Variants in ZSCAN31 observed in about 807,000 individuals in gnomAD.
ZSCAN31 encodes zinc finger and SCAN domain containing 31.
A neutral mutation model predicts 22.5 loss-of-function variants in ZSCAN31; 14 were observed. The ratio of observed to expected loss-of-function variants is 0.62; its 90% confidence interval spans 0.41 to 0.97. The LOEUF is 0.97. Ranked by LOEUF, ZSCAN31 falls within the 50% of genes least tolerant of loss-of-function variation. The probability of loss-of-function intolerance (pLI) is 0.00; values close to 1 mark genes in which losing one functional copy is unlikely to be tolerated. For missense variants in ZSCAN31, 424 were observed against 483.4 expected (o/e 0.88, Z 1.15); for synonymous variants, 168 against 169.8 (o/e 0.99, Z 0.08).
Position 28,329,414 on chromosome 6 carries a change from G to C in ZSCAN31, c.270C>G (p.Ile90Met), listed in dbSNP as rs753988889. 1 of 1,614,188 alleles carries C rather than the reference G, an allele frequency of 6.2e-7. No homozygotes were observed. Among genetic ancestry groups the C allele is most frequent in the Admixed American group, 1.7e-5 (1 of 60,022 alleles). Residue 90 changes from isoleucine (I) to methionine (M), a missense_variant, in exon 2 of 4, where the codon ATC (isoleucine) becomes ATG (methionine). Transcript: ENST00000344279. ...ELLVLEQFLT[I>M]LPEELQAWVR... The stretch of plus-strand genomic sequence containing the variant: ...CCCAGGCCTGGAGCTCCTCAGGCAG[G>C]ATAGTCAGGAATTGCTCCAGCACCA...
chr6:28,344,537 T>C (rs1664121578), intron 2 of ZSCAN31, among the ~76,000 whole-genome samples: 1 of 152,160 alleles, frequency 6.6e-6, no homozygotes, highest in South Asian at 2.1e-4. Flanking sequence ...TGTGTGATAG[T>C]TGTGATTGGT....
Position 28,329,569 on chromosome 6 carries a change from G to T in ZSCAN31, c.115C>A (p.Arg39=). The T allele has an allele frequency of 6.2e-7, 1 of 1,614,174 alleles. No homozygotes were observed. The highest frequency in any genetic ancestry group is 1.3e-5 in the African/African-American group (1 of 75,036). ...GNNFSGQEAS[R]QLFRQFCYQE... Reference sequence around the variant, plus strand: ...TAACAAAACTGCCTAAAAAGTTGTCGGGAGGCTTCTTGGCCAGAAAAGTTG... The same window carrying T: ...TAACAAAACTGCCTAAAAAGTTGTCTGGAGGCTTCTTGGCCAGAAAAGTTG... Residue 39 remains arginine, a synonymous_variant, in exon 2 of 4, where the codon CGA becomes AGA. Transcript: ENST00000344279.
At chr6:28,327,230 G>A (rs533433546) in intron 3 of ZSCAN31, among the ~76,000 whole-genome samples, 153 bp downstream of exon 3, 2 of 152,330 alleles carry the variant, frequency 1.3e-5, no homozygotes, top group African/African-American at 4.8e-5. Flanking sequence ...TGAAGGCACA[G>A]GGAGGTTACC....
intron 3 of ZSCAN31, 149 bp downstream of exon 3, chr6:28,327,234 G>C (rs1763351716): frequency 1.1e-6 from 1 of 873,090 alleles, no homozygotes; most frequent in South Asian, 1.7e-5. Context: ...GGCACAGGGA[G>C]GTTACCTGAC....
At chr6:28,338,318 G>GT (rs1310007240), upstream of ZSCAN31, among the ~76,000 whole-genome samples, 2 of 152,116 alleles carry the variant, frequency 1.3e-5, no homozygotes, top group Admixed American at 6.5e-5. Flanking sequence ...GGAAGGTGGG[G>GT]TTTTCAGTGA....
chr6:28,335,636 G>A (rs1380470032), intron 1 of ZSCAN31, among the ~76,000 whole-genome samples: 1 of 152,108 alleles, frequency 6.6e-6, no homozygotes, highest in Non-Finnish European at 1.5e-5. Context: ...CATCATTTCA[G>A]CTCCTGATTG....
intron 3 of ZSCAN31, among the ~76,000 whole-genome samples, chr6:28,327,074 G>A (rs1459873374): frequency 1.3e-5 from 2 of 152,176 alleles, no homozygotes; most frequent in African/African-American, 4.8e-5. Flanking sequence ...GAGGCTCCCA[G>A]TGAGGATGTA....
At chr6:28,352,733 A>T (rs1400211563) in intron 2 of ZSCAN31, among the ~76,000 whole-genome samples, 1 of 152,224 alleles carries the variant, frequency 6.6e-6, no homozygotes, top group African/African-American at 2.4e-5. Flanking sequence ...TAGCTCATGT[A>T]GGAGTACCCC....
At position 28,349,125 on chromosome 6, in the gene ZSCAN31, GTATATATATGTCTCATATATAGGTGTA is replaced by G. The variant is rs1764789850; in HGVS notation, c.-371+4710_-371+4736del. 2.9e-4 allele frequency among the ~76,000 whole-genome samples: 40 copies of G among 140,316 alleles called. No homozygotes were observed. The highest frequency in any genetic ancestry group is 1.0e-3 in the African/African-American group (38 of 36,804). 92.1% of individuals were successfully genotyped at this position (140,316 alleles called of 152,430 possible). ...ATATACATGTCTCATATACATAGGTGTATATATATGTCTCATATATAGGTGTATATATATGTCTCATATATATAGGTG... is the reference window on the plus strand; with the variant it reads ...ATATACATGTCTCATATACATAGGTGTATATATGTCTCATATATATAGGTG... On this transcript the variant is annotated intron_variant, in intron 2 of 7. Transcript: ENST00000396838. This position sits in a 1 kb window ranked among gnomAD's most constrained non-coding sequence, Gnocchi z 4.1.
intron 2 of ZSCAN31, among the ~76,000 whole-genome samples, chr6:28,342,994 A>G (rs1455933883): frequency 2.0e-5 from 3 of 152,182 alleles, no homozygotes; most frequent in Non-Finnish European, 4.4e-5. Flanking sequence ...AACCTTTTAC[A>G]CAGTGTGAGT....
rs770493706 is a variant in ZSCAN31 at position 28,327,434 on chromosome 6, C to T, written c.481G>A (p.Val161Met). The change falls in exon 3 of 4, where the codon GTG becomes ATG. Residue 161 changes from valine to methionine, a missense_variant. Coordinates refer to ENST00000344279, the MANE Select transcript of ZSCAN31 (RefSeq NM_030899.5). ...AAAGATTCATATCTGAGCTGTGTCA[C>T]CATAGGCTGAAGCTGTATGTCTGTT... ...EPTDIQLQPM[V>M]TQLRYESFCL... The T allele has an allele frequency of 8.1e-6, 13 of 1,614,038 alleles. No homozygotes were observed. Among genetic ancestry groups the T allele is most frequent in the Non-Finnish European group, 1.1e-5 (13 of 1,180,024 alleles).
chr6:28,351,022 C>T lies in ZSCAN31; in HGVS notation c.-371+2840G>A, dbSNP rs192597030. Among the ~76,000 whole-genome samples, 417 of 152,294 alleles carry T rather than the reference C, an allele frequency of 2.7e-3. 4 individuals carry two copies. Among genetic ancestry groups the T allele is most frequent in the Admixed American group, 0.016 (246 of 15,302 alleles). The stretch of plus-strand genomic sequence containing the variant: ...CAGTTTTCGAGCTTCCAGGAACGCC[C>T]TAGCCTGAAACTGGCTTCATACTAA... On this transcript the variant is annotated intron_variant, in intron 2 of 7. Coordinates refer to the ZSCAN31 transcript ENST00000396838. This position sits in a 1 kb window ranked among gnomAD's most constrained non-coding sequence, Gnocchi z 4.6.
chr6:28,327,368 T>A lies in ZSCAN31; in HGVS notation c.532+15A>T. The A allele has an allele frequency of 6.2e-7, 1 of 1,613,862 alleles. No individual in the cohort carries two copies. Among genetic ancestry groups the A allele is most frequent in the South Asian group, 1.1e-5 (1 of 91,062 alleles). ...CCACCAGAGATCTCCTGAAGGGACCTGTCAAAATCCTTACCTTGTTCTTGA... is the reference window on the plus strand; with the variant it reads ...CCACCAGAGATCTCCTGAAGGGACCAGTCAAAATCCTTACCTTGTTCTTGA... On this transcript the variant is annotated intron_variant, in intron 3 of 3. Coordinates refer to ENST00000344279, the MANE Select transcript of ZSCAN31 (RefSeq NM_030899.5).
chr6:28,338,311 A>G (rs1228272785), upstream of ZSCAN31, among the ~76,000 whole-genome samples: 1 of 152,038 alleles, frequency 6.6e-6, no homozygotes, highest in Non-Finnish European at 1.5e-5. Context: ...TGAGCCTGGA[A>G]GGTGGGGTTT....
intron 2 of ZSCAN31, among the ~76,000 whole-genome samples, chr6:28,353,657 G>A (rs184690293): frequency 1.5e-3 from 231 of 152,300 alleles, no homozygotes; most frequent in African/African-American, 5.3e-3. Flanking sequence ...ATATAGGACC[G>A]TCTGGGAGGC....
upstream of ZSCAN31, among the ~76,000 whole-genome samples, chr6:28,340,872 G>A (rs1239536404): frequency 6.6e-6 from 1 of 152,170 alleles, no homozygotes; most frequent in Non-Finnish European, 1.5e-5. Flanking sequence ...CCTTCAGACT[G>A]AAGTTTTTTG....
upstream of ZSCAN31, among the ~76,000 whole-genome samples, chr6:28,339,255 T>C (rs1384166196): frequency 6.6e-6 from 1 of 152,174 alleles, no homozygotes; most frequent in African/African-American, 2.4e-5. Context: ...TTCCATTGAT[T>C]TTATTATCTT....
intron 2 of ZSCAN31, among the ~76,000 whole-genome samples, chr6:28,352,774 G>A (rs868083049): frequency 6.6e-6 from 1 of 152,104 alleles, no homozygotes; most frequent in Non-Finnish European, 1.5e-5. Context: ...TTAGGAGGAA[G>A]TATTTTCTGG....
intron 2 of ZSCAN31, among the ~76,000 whole-genome samples, chr6:28,352,648 C>T (rs1240372896): frequency 6.6e-6 from 1 of 152,174 alleles, no homozygotes; most frequent in African/African-American, 2.4e-5. Context: ...GTAATTTGCT[C>T]CTATATTTCA....
Sources: allele counts gnomAD v4.1 joint callset (sites outside exome capture counted in the v4.1 genomes callset), GRCh38; gene constraint gnomAD v4.1.1; non-coding constraint Gnocchi (gnomAD v3.1); transcripts MANE v1.5; gene names NCBI Gene and HGNC (gene_info 2026-07-23, HGNC 2026-07-21).